Variants in CARMIL1 observed in about 807,000 individuals in gnomAD.
CARMIL1 encodes the protein F-actin-uncapping protein LRRC16A.
CARMIL1 carries 90 observed loss-of-function variants against 177.1 expected under a neutral mutation model. That is an observed-to-expected ratio of 0.51 (90% CI 0.43 to 0.61). CARMIL1 has a LOEUF of 0.61. Among genes scored for constraint, CARMIL1 ranks in the 20% least tolerant of loss-of-function variants. CARMIL1 has a pLI of 0.00. For missense variants in CARMIL1, 1,380 were observed against 1,667.0 expected (o/e 0.83, Z 3.00); for synonymous variants, 577 against 606.2 (o/e 0.95, Z 0.71).
chr6:25,461,853 T>C (rs1800144895), intron 8 of CARMIL1, among the ~76,000 whole-genome samples: 1 of 152,186 alleles, frequency 6.6e-6, no homozygotes, highest in Non-Finnish European at 1.5e-5. Flanking sequence ...GTCAGGTTTT[T>C]TTAAATTTAT....
intron 23 of CARMIL1, among the ~76,000 whole-genome samples, chr6:25,527,216 G>T (rs1431210909): frequency 6.6e-6 from 1 of 152,156 alleles, no homozygotes; most frequent in Non-Finnish European, 1.5e-5. Flanking sequence ...GTCTGAAATG[G>T]TACATGCAAG....
At chr6:25,617,669 G>A (rs1759388899) in intron 36 of CARMIL1, among the ~76,000 whole-genome samples, 2 of 152,154 alleles carry the variant, frequency 1.3e-5, no homozygotes, top group East Asian at 1.9e-4. Flanking sequence ...GATAATATAA[G>A]TCTTCCCTAC....
chr6:25,455,172 T>C (rs1414818031), intron 8 of CARMIL1, among the ~76,000 whole-genome samples: 1 of 152,190 alleles, frequency 6.6e-6, no homozygotes, highest in Non-Finnish European at 1.5e-5. Context: ...TTTATATTTA[T>C]TAAAATTAGA....
At chr6:25,488,226 A>G (rs1802860022) in intron 12 of CARMIL1, among the ~76,000 whole-genome samples, 1 of 152,218 alleles carries the variant, frequency 6.6e-6, no homozygotes, top group Non-Finnish European at 1.5e-5. Context: ...CCTTGGACAC[A>G]TCAGAAGACA....
intron 27 of CARMIL1, among the ~76,000 whole-genome samples, chr6:25,553,281 C>T (rs576480774): frequency 3.2e-4 from 48 of 152,106 alleles, no homozygotes; most frequent in African/African-American, 8.7e-4. Flanking sequence ...ATATTCAGAC[C>T]GAGAACACAC....
At chr6:25,490,767 C>T in intron 13 of CARMIL1, among the ~76,000 whole-genome samples, 1 of 151,772 alleles carries the variant, frequency 6.6e-6, no homozygotes, top group South Asian at 2.1e-4. Flanking sequence ...AAATAAATGT[C>T]ATTCTGTGTG....
At position 25,499,017 on chromosome 6, in the gene CARMIL1, G is replaced by A. The variant is rs1006796047; in HGVS notation, c.1326-1149G>A. Among the ~76,000 whole-genome samples the A allele has an allele frequency of 2.0e-5, 3 of 152,142 alleles. No individual in the cohort carries two copies. In the South Asian group the frequency reaches 6.2e-4, roughly 32 times the overall value. On this transcript the variant is annotated intron_variant, in intron 16 of 36. Transcript: ENST00000329474. ...TAACAAGGTCAGGGAGTGGGAGGAG[G>A]GGGGTTTTCATAGCTGGAGGCAGCC...
intron 17 of CARMIL1, among the ~76,000 whole-genome samples, chr6:25,503,599 C>T (rs867613755): frequency 1.6e-4 from 25 of 152,226 alleles, no homozygotes; most frequent in African/African-American, 5.1e-4. Context: ...CTTACTATCA[C>T]GGAAGTTTAA....
At chr6:25,507,630 T>C (rs1805040878) in intron 17 of CARMIL1, 1 of 152,598 alleles carries the variant, frequency 6.6e-6, no homozygotes, top group Non-Finnish European at 1.5e-5. Context: ...AAATGTTACC[T>C]ATATTTTCTA....
chr6:25,390,293 C>CATATATATAT (rs397887367), intron 2 of CARMIL1, among the ~76,000 whole-genome samples: 2 of 84,900 alleles, frequency 2.4e-5, no homozygotes, highest in East Asian at 3.2e-4. Context: ...TATATATTTA[C>CATATATATAT]ATATATATAT....
At chr6:25,492,394 C>G (rs542051631) in intron 15 of CARMIL1, among the ~76,000 whole-genome samples, 8 of 152,190 alleles carry the variant, frequency 5.3e-5, no homozygotes, top group Non-Finnish European at 1.0e-4. Flanking sequence ...GAATAGTTAT[C>G]TCAAAGCTCA....
intron 2 of CARMIL1, among the ~76,000 whole-genome samples, chr6:25,302,554 T>C (rs542434290): frequency 2.0e-5 from 3 of 152,368 alleles, no homozygotes; most frequent in East Asian, 1.9e-4. Flanking sequence ...CTCTTTGTGA[T>C]ATACACAGAA....
At chr6:25,417,546 T>C (rs769958797) in intron 2 of CARMIL1, among the ~76,000 whole-genome samples, 1 of 152,218 alleles carries the variant, frequency 6.6e-6, no homozygotes, top group Non-Finnish European at 1.5e-5. Flanking sequence ...TCCTTCAAGC[T>C]GAGAGCTTTG....
chr6:25,397,057 C>T (rs1233541300), intron 2 of CARMIL1, among the ~76,000 whole-genome samples: 3 of 152,160 alleles, frequency 2.0e-5, no homozygotes, highest in African/African-American at 4.8e-5. Context: ...TCAGCAAACA[C>T]TTATTGAGGG....
At chr6:25,476,944 C>G (rs1400088405) in intron 11 of CARMIL1, among the ~76,000 whole-genome samples, 1 of 151,768 alleles carries the variant, frequency 6.6e-6, no homozygotes, top group African/African-American at 2.4e-5. Flanking sequence ...CAAACATTAG[C>G]TGGGTGTGGT....
At chr6:25,351,799 C>G (rs547864168) in intron 2 of CARMIL1, among the ~76,000 whole-genome samples, 24 of 151,880 alleles carry the variant, frequency 1.6e-4, no homozygotes, top group Admixed American at 8.5e-4. Context: ...CAGTGAATGA[C>G]GATTGTGGAA....
At chr6:25,453,528 T>C (rs1799198107) in intron 8 of CARMIL1, among the ~76,000 whole-genome samples, 1 of 152,222 alleles carries the variant, frequency 6.6e-6, no homozygotes, top group Admixed American at 6.5e-5. Context: ...TATTAAAATG[T>C]TTGTACTCAA....
At position 25,545,680 on chromosome 6, in the gene CARMIL1, A is replaced by C. The variant is rs527670179; in HGVS notation, c.2329-5230A>C. On this transcript the variant is annotated intron_variant, in intron 26 of 36. Transcript: ENST00000329474. Reference sequence around the variant, plus strand: ...ATGAAAAATGCCCATGAAGCCATAAAGGTCATCTGCACAATTTCAGAGACC... The same window carrying C: ...ATGAAAAATGCCCATGAAGCCATAACGGTCATCTGCACAATTTCAGAGACC... Among the ~76,000 whole-genome samples the C allele has an allele frequency of 4.1e-4, 62 of 152,322 alleles. No individual in the cohort carries two copies. The East Asian group carries it at 8.3e-3, about 20-fold the overall frequency.
At chr6:25,469,017 C>G (rs1322726967) in intron 9 of CARMIL1, among the ~76,000 whole-genome samples, 1 of 152,134 alleles carries the variant, frequency 6.6e-6, no homozygotes, top group Non-Finnish European at 1.5e-5. Flanking sequence ...AAGACCAATT[C>G]CTTTGTATGT....
Sources: allele counts gnomAD v4.1 joint callset (sites outside exome capture counted in the v4.1 genomes callset), GRCh38; gene constraint gnomAD v4.1.1; transcripts MANE v1.5; gene names NCBI Gene and HGNC (gene_info 2026-07-23, HGNC 2026-07-21).